PDE1A: variants seen among roughly 807,000 people sequenced by gnomAD.
PDE1A encodes the protein phosphodiesterase 1A.
Under a neutral mutation model 61.7 loss-of-function variants are expected in PDE1A, and 35 were observed. The ratio of observed to expected loss-of-function variants is 0.57; its 90% CI spans 0.43 to 0.75. The LOEUF is 0.75. Among genes scored for constraint, PDE1A ranks in the 30% least tolerant of loss-of-function variants. PDE1A has a pLI of 0.00. For missense variants in PDE1A, 597 were observed against 630.6 expected, an observed-to-expected ratio of 0.95 and a Z score of 0.57; for synonymous variants, 232 against 213.2, an observed-to-expected ratio of 1.09 and a Z score of -0.77.
chr2:182,440,897 T>C (rs868426425), intron 2 of PDE1A, among the ~76,000 whole-genome samples: 12 of 152,184 alleles, frequency 7.9e-5, no homozygotes, highest in Admixed American at 1.3e-4. Flanking sequence ...GTAATAACAG[T>C]CTTCCTTCAG....
At chr2:182,527,909 C>T (rs951474190), upstream of PDE1A, among the ~76,000 whole-genome samples, 3 of 152,136 alleles carry the variant, frequency 2.0e-5, no homozygotes, top group African/African-American at 4.8e-5. Flanking sequence ...ATGTGACTTT[C>T]GCCTTCCACC....
At chr2:182,295,702 T>G (rs550872373) in intron 1 of PDE1A, among the ~76,000 whole-genome samples, 1 of 152,304 alleles carries the variant, frequency 6.6e-6, no homozygotes, top group East Asian at 1.9e-4. Context: ...CTTAAAACTT[T>G]CCAAATTTGT....
chr2:182,419,626 A>G (rs1156886338), intron 1 of PDE1A, among the ~76,000 whole-genome samples: 1 of 152,146 alleles, frequency 6.6e-6, no homozygotes, highest in Admixed American at 6.5e-5. Flanking sequence ...TGTTCACCCC[A>G]ACAATAGAGA....
intron 11 of PDE1A, among the ~76,000 whole-genome samples, 159 bp downstream of exon 11, chr2:182,188,820 G>C (rs1173751085): frequency 6.6e-6 from 1 of 152,154 alleles, no homozygotes; most frequent in Non-Finnish European, 1.5e-5. Context: ...GCTTCAATAA[G>C]TCTTATTCAG....
chr2:182,159,375 T>C (rs1574518038), intron 13 of PDE1A, among the ~76,000 whole-genome samples: 1 of 152,286 alleles, frequency 6.6e-6, no homozygotes, highest in Middle Eastern at 3.4e-3. Context: ...GATTTACTCA[T>C]CAGAAAACTG....
intron 1 of PDE1A, among the ~76,000 whole-genome samples, chr2:182,351,617 G>T (rs146621967): frequency 0.013 from 1,905 of 152,264 alleles, 24 homozygotes; most frequent in South Asian, 0.048. Flanking sequence ...TTCCATGCAT[G>T]TCACAAACCA....
intron 7 of PDE1A, among the ~76,000 whole-genome samples, chr2:182,211,660 C>G (rs1687613422): frequency 6.6e-6 from 1 of 151,972 alleles, no homozygotes; most frequent in African/African-American, 2.4e-5. Context: ...AATATCTGTC[C>G]CTGTATTACT....
intron 1 of PDE1A, among the ~76,000 whole-genome samples, chr2:182,340,432 A>T (rs745767924): frequency 1.3e-5 from 2 of 152,160 alleles, no homozygotes; most frequent in Non-Finnish European, 2.9e-5. Flanking sequence ...CTCCTTTCTC[A>T]TGTGGCATTA....
chr2:182,533,442 T>C, the PDE1A span, among the ~76,000 whole-genome samples: 2 of 152,174 alleles, frequency 1.3e-5, no homozygotes, highest in African/African-American at 4.8e-5. Context: ...CTTCTGAATC[T>C]TAGTAAAAGT....
At chr2:182,357,702 G>A (rs1354943043) in intron 1 of PDE1A, among the ~76,000 whole-genome samples, 1 of 152,100 alleles carries the variant, frequency 6.6e-6, no homozygotes, top group Non-Finnish European at 1.5e-5. Flanking sequence ...AAAATACTAT[G>A]AGAAATTTTA....
intron 7 of PDE1A, among the ~76,000 whole-genome samples, chr2:182,211,987 G>C (rs1176591115): frequency 6.6e-6 from 1 of 151,946 alleles, no homozygotes; most frequent in Admixed American, 6.5e-5. Flanking sequence ...CATGGGAAGA[G>C]AGAAATTCCT....
In PDE1A at chr2:182,493,343, T is replaced by TA. The variant is rs370697354; in HGVS notation, c.101+28932dup. ...ACATGTGCACAACGTGCAGGCTTGT[T>TA]ACATATGTATCCATGTGCCGTGTTG... On this transcript the variant is annotated intron_variant, in intron 2 of 14. Transcript: ENST00000410103. Among the ~76,000 whole-genome samples the TA allele has an allele frequency of 1.3e-3, 202 of 152,118 alleles. 1 individual carries two copies. Among genetic ancestry groups the TA allele is most frequent in the African/African-American group, 4.7e-3 (193 of 41,482 alleles).
At chr2:182,600,759 G>A in the PDE1A span, among the ~76,000 whole-genome samples, 23 of 152,126 alleles carry the variant, frequency 1.5e-4, no homozygotes, top group Non-Finnish European at 1.9e-4. Context: ...AACAACGTGT[G>A]GTAGACTGTT....
rs567657283 is a variant in PDE1A at position 182,521,568 on chromosome 2, G to C, written c.101+708C>G. On this transcript the variant is annotated intron_variant, in intron 2 of 14. Transcript: ENST00000410103. ...CACACACAGCTAAAAAAAATGTAAG[G>C]GTGTAAATATCAAGCTGAATAGCAT... Among the ~76,000 whole-genome samples the C allele has an allele frequency of 9.7e-4, 148 of 151,916 alleles. 1 individual carries two copies. Among genetic ancestry groups the C allele is most frequent in the Non-Finnish European group, 1.8e-3 (120 of 67,922 alleles).
chr2:182,448,475 G>A (rs1282976603), intron 2 of PDE1A, among the ~76,000 whole-genome samples: 2 of 151,980 alleles, frequency 1.3e-5, no homozygotes, highest in African/African-American at 2.4e-5. Context: ...AAGTATATGC[G>A]ATGTTTTAGA....
At chr2:182,305,862 TCAAA>T (rs1481655269) in intron 1 of PDE1A, among the ~76,000 whole-genome samples, 1 of 152,130 alleles carries the variant, frequency 6.6e-6, no homozygotes, top group Non-Finnish European at 1.5e-5. Flanking sequence ...ATCCATCACC[TCAAA>T]CATTTACTAT....
At chr2:182,528,215 T>C in the PDE1A span, among the ~76,000 whole-genome samples, 1 of 152,194 alleles carries the variant, frequency 6.6e-6, no homozygotes, top group Non-Finnish European at 1.5e-5. Context: ...ACCAAAATGC[T>C]GATAGTGATA....
At chr2:182,644,282 T>TGC in the PDE1A span, among the ~76,000 whole-genome samples, 2 of 149,688 alleles carry the variant, frequency 1.3e-5, no homozygotes, top group Admixed American at 6.6e-5. Flanking sequence ...TGTGTGTGTG[T>TGC]GTGTGTGTGT....
At chr2:182,664,570 T>C in the PDE1A span, among the ~76,000 whole-genome samples, 1 of 152,276 alleles carries the variant, frequency 6.6e-6, no homozygotes, top group African/African-American at 2.4e-5. Context: ...GACAACGCAT[T>C]TGGCTTAAAA....
Sources: gnomAD v4.1 joint callset for allele counts (sites outside exome capture counted in the v4.1 genomes callset) on GRCh38, gnomAD v4.1.1 for gene constraint, MANE v1.5 for transcripts, NCBI Gene and HGNC (gene_info 2026-07-23, HGNC 2026-07-21) for gene names.